GOSR2: variants seen among roughly 807,000 people sequenced by gnomAD.
GOSR2 encodes 27 kDa Golgi SNARE protein.
Under a neutral mutation model 27.9 loss-of-function variants are expected in GOSR2, and 20 were observed. The observed-to-expected ratio is 0.72, with a 90% CI of 0.50 to 1.04. The LOEUF is 1.04. GOSR2 is among the 50% of genes least tolerant of loss of function. GOSR2 has a pLI of 0.00. For synonymous variants in GOSR2, 91 were observed against 98.8 expected (o/e 0.92, Z 0.47); for missense variants, 261 against 270.5 (o/e 0.97, Z 0.25).
At chr17:46,953,996 G>T (rs572690265) in intron 6 of GOSR2, among the ~76,000 whole-genome samples, 78 of 152,162 alleles carry the variant, frequency 5.1e-4, no homozygotes, top group African/African-American at 1.4e-3. Flanking sequence ...GCCTGTTCAC[G>T]CTGATGGTAG....
At chr17:46,957,897 A>C (rs2090823161) in intron 6 of GOSR2, among the ~76,000 whole-genome samples, 1 of 152,218 alleles carries the variant, frequency 6.6e-6, no homozygotes, top group Admixed American at 6.5e-5. Context: ...GCACTCACCC[A>C]GGACGCTGCA....
chr17:46,932,136 C>T lies in GOSR2; in HGVS notation c.273C>T (p.Arg91=), dbSNP rs2087485783. Residue 91 remains arginine (R), a synonymous_variant, in exon 4 of 6, where the codon CGC becomes CGT. Transcript: ENST00000640051. ...CGCTCAGAAACTTCCAGCATCGGCG[C>T]CATGCAAGGGAGCAGCAGGAGAGAC... ...QTALRNFQHR[R]HAREQQERQR... is the part of the protein sequence containing the mutation. 1 of 1,614,088 alleles carries T rather than the reference C, an allele frequency of 6.2e-7. No homozygotes were observed.
intron 6 of GOSR2, among the ~76,000 whole-genome samples, chr17:46,973,932 C>T (rs1424262876): frequency 6.6e-6 from 1 of 152,218 alleles, no homozygotes; most frequent in African/African-American, 2.4e-5. Flanking sequence ...ACCCCCAAAG[C>T]TCAAGGCTTC....
Position 46,923,207 on chromosome 17 carries a change from C to A in GOSR2, c.15C>A (p.Phe5Leu). The A allele has an allele frequency of 1.3e-6, 2 of 1,549,594 alleles. No homozygotes were observed. The highest frequency in any genetic ancestry group is 1.7e-6 in the Non-Finnish European group (2 of 1,145,184). Reference sequence around the variant, plus strand: ...GGGCCGGCGACATGGATCCCCTGTTCCAGCAAACGCACAAGTGAGGGCCGG... The same window carrying A: ...GGGCCGGCGACATGGATCCCCTGTTACAGCAAACGCACAAGTGAGGGCCGG... MDPL[F>L]QQTHKQVHEI... The change falls in exon 1 of 6, where the codon TTC (phenylalanine) becomes TTA (leucine). Residue 5 changes from phenylalanine to leucine, a missense_variant. By Grantham distance (22) the Phe-to-Leu change is conservative. Coordinates refer to ENST00000640051, the MANE Select transcript of GOSR2 (RefSeq NM_004287.5).
chr17:46,952,976 A>G (rs1002086945), intron 6 of GOSR2: 1 of 152,040 alleles, frequency 6.6e-6, no homozygotes, highest in African/African-American at 2.4e-5. Context: ...CTGGCACACA[A>G]TATTCATTCA....
intron 6 of GOSR2, chr17:46,966,482 G>T: frequency 4.5e-6 from 3 of 661,210 alleles, no homozygotes; most frequent in South Asian, 3.4e-5. Context: ...AGGGTAGTTG[G>T]AACTACAGGT....
downstream of GOSR2, among the ~76,000 whole-genome samples, chr17:46,969,419 C>T (rs1042900428): frequency 3.6e-4 from 55 of 152,250 alleles, no homozygotes; most frequent in Admixed American, 2.4e-3. Flanking sequence ...ATGCTGGTTC[C>T]GCCACCTCCT....
At position 46,932,104 on chromosome 17, in the gene GOSR2, C is replaced by T; in HGVS notation, c.241C>T (p.Gln81Ter). 6.2e-7 allele frequency: 1 copy of T among 1,613,268 alleles called. No individual in the cohort carries two copies. Among genetic ancestry groups the T allele is most frequent in the Non-Finnish European group, 8.5e-7 (1 of 1,179,206 alleles). The stretch of plus-strand genomic sequence containing the variant: ...GTTAAAGTATGATGTCCAGCACCTG[C>T]AGACTGCGCTCAGAAACTTCCAGCA... ...DQLKYDVQHLQTALRNFQHRR... is the reference protein window; with the variant it reads ...DQLKYDVQHL The change falls in exon 4 of 6, where the codon CAG becomes TAG. Residue 81 changes from glutamine (Q) to a stop codon, truncating the protein, a stop_gained. Transcript: ENST00000640051. LOFTEE classifies it high-confidence loss of function.
At chr17:46,949,159 G>A (rs1205315118) in intron 6 of GOSR2, 5 of 152,208 alleles carry the variant, frequency 3.3e-5, no homozygotes, top group Admixed American at 2.6e-4. Flanking sequence ...GCGATGTCTG[G>A]GGCCTCAGAT....
chr17:46,943,561 C>T (rs1031210770), downstream of GOSR2, among the ~76,000 whole-genome samples: 16 of 152,242 alleles, frequency 1.1e-4, no homozygotes, highest in Non-Finnish European at 1.5e-4. Context: ...ACGCTTCCTG[C>T]GGAATGGGAG....
At chr17:46,935,231 G>A (rs2088105696) in intron 5 of GOSR2, 62 bp downstream of exon 5, 2 of 1,606,284 alleles carry the variant, frequency 1.2e-6, no homozygotes, top group Non-Finnish European at 8.5e-7. Flanking sequence ...CAACAGTTTA[G>A]TAACTGTGTT....
intron 5 of GOSR2, 103 bp downstream of exon 5, chr17:46,935,272 A>C: frequency 6.2e-7 from 1 of 1,600,580 alleles, no homozygotes; most frequent in Non-Finnish European, 8.5e-7. Context: ...TCAAATTGTG[A>C]TATTTTGATG....
rs562959681 is a variant in GOSR2, at chr17:46,932,212, C to G, written c.336+13C>G. 8 of 1,613,708 alleles carry G rather than the reference C, an allele frequency of 5.0e-6. No homozygotes were observed. The highest frequency in any genetic ancestry group is 8.5e-7 in the Non-Finnish European group (1 of 1,179,974). ...CTTCACCACTAACGTAAGCCAGGCC[C>G]GTGGTGAGGGTCGGCCTGCACTTGA... On this transcript the variant is annotated intron_variant, in intron 4 of 5. Transcript: ENST00000640051.
rs1234543395 is a variant in GOSR2, at chr17:46,940,410, C to T, written c.*1650C>T. ...ACTGGGGGGTTGCAGCATCTTTAGA[C>T]CTAGATCTGTCTAACTCTGGGGAGG... On this transcript the variant is annotated 3_prime_UTR_variant, in exon 6 of 6. Coordinates refer to ENST00000640051, the MANE Select transcript of GOSR2 (RefSeq NM_004287.5). 1.3e-6 allele frequency: 2 copies of T among 1,588,308 alleles called. No homozygotes were observed. Among genetic ancestry groups the T allele is most frequent in the Non-Finnish European group, 1.7e-6 (2 of 1,172,856 alleles).
chr17:46,927,510 T>G (rs1429297811), intron 1 of GOSR2, among the ~76,000 whole-genome samples: 1 of 152,252 alleles, frequency 6.6e-6, no homozygotes, highest in East Asian at 1.9e-4. Context: ...TCAGAAAGTT[T>G]GAAAGCTGCT....
At chr17:46,961,940 A>T (rs532516552) in intron 6 of GOSR2, among the ~76,000 whole-genome samples, 1 of 152,224 alleles carries the variant, frequency 6.6e-6, no homozygotes, top group African/African-American at 2.4e-5. Flanking sequence ...AAATCATTTT[A>T]TTTAATCAAC....
At chr17:46,961,040 C>A (rs1301444720) in intron 6 of GOSR2, among the ~76,000 whole-genome samples, 3 of 151,052 alleles carry the variant, frequency 2.0e-5, no homozygotes, top group Non-Finnish European at 3.0e-5. Context: ...TTAAAAAAAA[C>A]AAGGTGGGAA....
chr17:46,973,609 A>G (rs952201123), intron 6 of GOSR2, among the ~76,000 whole-genome samples: 1 of 152,212 alleles, frequency 6.6e-6, no homozygotes, highest in African/African-American at 2.4e-5. Flanking sequence ...GCGCTGCCTC[A>G]GAACACCCCG....
chr17:46,962,121 C>G (rs769821763), intron 6 of GOSR2, among the ~76,000 whole-genome samples: 1 of 152,038 alleles, frequency 6.6e-6, no homozygotes, highest in Non-Finnish European at 1.5e-5. Flanking sequence ...AAGTCAGAAG[C>G]TCGAGACCAG....
Sources: gnomAD v4.1 joint callset for allele counts (sites outside exome capture counted in the v4.1 genomes callset) on GRCh38, gnomAD v4.1.1 for gene constraint, MANE v1.5 for transcripts, NCBI Gene and HGNC (gene_info 2026-07-23, HGNC 2026-07-21) for gene names.